CYP27A1: variants seen among roughly 807,000 people sequenced by gnomAD.
The protein encoded by CYP27A1 is sterol 26-hydroxylase, mitochondrial.
CYP27A1 carries 46 observed loss-of-function variants against 58.2 expected under a neutral mutation model. That is an observed-to-expected ratio of 0.79 (90% CI 0.62 to 1.01). The LOEUF (loss-of-function observed/expected upper bound fraction) is 1.01. CYP27A1 is among the 50% of genes least tolerant of loss of function. The pLI is 0.00. For synonymous variants in CYP27A1, 274 were observed against 285.1 expected (o/e 0.96, Z 0.39); for missense variants, 704 against 687.0 (o/e 1.02, Z -0.28).
At position 218,814,691 on chromosome 2, in the gene CYP27A1, C is replaced by T. The variant is rs770435184; in HGVS notation, c.1410C>T (p.Gly470=). 2.5e-6 allele frequency: 4 copies of T among 1,614,194 alleles called. No individual in the cohort carries two copies. The highest frequency in any genetic ancestry group is 2.2e-5 in the South Asian group (2 of 91,092). The part of the protein sequence containing the change: ...IQHPFGSVPF[G]YGVRACLGRR... Reference sequence around the variant, plus strand: ...ACCCATTTGGCTCTGTGCCCTTTGGCTATGGGGTCCGGGCCTGCCTGGGCC... The same window carrying T: ...ACCCATTTGGCTCTGTGCCCTTTGGTTATGGGGTCCGGGCCTGCCTGGGCC... The change falls in exon 8 of 9, where the codon GGC becomes GGT. Residue 470 remains glycine (G), a synonymous_variant. Coordinates refer to ENST00000258415, the MANE Select transcript of CYP27A1 (RefSeq NM_000784.4).
chr2:218,815,134 G>T lies in CYP27A1; in HGVS notation c.*104G>T. ...AGATGAGGAGGGAGAGAAGGAGGCC[G>T]CCAGACTCGAGAGGTGGGAGGAACT... On this transcript the variant is annotated 3_prime_UTR_variant, in exon 9 of 9. Coordinates refer to ENST00000258415, the MANE Select transcript of CYP27A1 (RefSeq NM_000784.4). 1 of 1,436,828 alleles carries T rather than the reference G, an allele frequency of 7.0e-7. No homozygotes were observed. Among genetic ancestry groups the T allele is most frequent in the Non-Finnish European group, 9.7e-7 (1 of 1,032,582 alleles). 89.0% of individuals were successfully genotyped at this position (1,436,828 alleles called of 1,614,324 possible).
At chr2:218,802,027 A>C (rs1943604723) in intron 1 of CYP27A1, among the ~76,000 whole-genome samples, 1 of 147,954 alleles carries the variant, frequency 6.8e-6, no homozygotes, top group African/African-American at 2.5e-5. Context: ...TTAGGCCAGC[A>C]ATGACCACGG....
At chr2:218,798,545 A>G (rs1943568285) in intron 1 of CYP27A1, among the ~76,000 whole-genome samples, 1 of 152,220 alleles carries the variant, frequency 6.6e-6, no homozygotes, top group Non-Finnish European at 1.5e-5. Flanking sequence ...AGGCAAGTCA[A>G]ATAGTTCTCA....
In CYP27A1 at chr2:218,812,185, A is replaced by AG. The variant is rs371151147; in HGVS notation, c.447-35dup. 3.4e-4 allele frequency: 531 copies of AG among 1,550,114 alleles called. 8 individuals are homozygous for AG. The East Asian group carries it at 0.011, about 32-fold the overall frequency. ...ATCTCCCTTAATTGAACCCCCATAGAGGCTTATCTTTGTGCTGTTCCTCTG... is the reference window on the plus strand; with the variant it reads ...ATCTCCCTTAATTGAACCCCCATAGAGGGCTTATCTTTGTGCTGTTCCTCTG... On this transcript the variant is annotated intron_variant, in intron 2 of 8. Coordinates refer to ENST00000258415, the MANE Select transcript of CYP27A1 (RefSeq NM_000784.4).
At chr2:218,785,823 TA>T (rs1362517042) in intron 1 of CYP27A1, among the ~76,000 whole-genome samples, 1 of 152,190 alleles carries the variant, frequency 6.6e-6, no homozygotes, top group African/African-American at 2.4e-5. Flanking sequence ...AATAACCTTT[TA>T]AAATTAGAGA....
At chr2:218,809,805 G>C (rs1488351756) in intron 2 of CYP27A1, 38 bp downstream of exon 2, 5 of 1,592,860 alleles carry the variant, frequency 3.1e-6, no homozygotes, top group Non-Finnish European at 3.4e-6. Context: ...CAGGGCCCCA[G>C]AGGGCCAGGG....
intron 1 of CYP27A1, among the ~76,000 whole-genome samples, chr2:218,808,551 A>T (rs986202284): frequency 1.3e-5 from 2 of 152,216 alleles, no homozygotes; most frequent in African/African-American, 4.8e-5. Context: ...TTTGAATGAT[A>T]GATTTCATCT....
At chr2:218,785,234 T>A (rs1259907004) in intron 1 of CYP27A1, among the ~76,000 whole-genome samples, 1 of 152,110 alleles carries the variant, frequency 6.6e-6, no homozygotes, top group East Asian at 1.9e-4. Context: ...CCTATGAGAA[T>A]CTAATGCCAG....
rs757771306 is a variant in CYP27A1, at chr2:218,814,111, C to T, written c.1108C>T (p.Pro370Ser). ...GCACGAGGAAGTGGTGGGTGTGGTGCCAGCCGGGCAAGTGCCCCAGCACAA... is the reference window on the plus strand; with the variant it reads ...GCACGAGGAAGTGGTGGGTGTGGTGTCAGCCGGGCAAGTGCCCCAGCACAA... ...ALHEEVVGVV[P>S]AGQVPQHKDF... The change falls in exon 6 of 9, where the codon CCA becomes TCA. Residue 370 changes from proline (P) to serine (S), a missense_variant. Physicochemically the swap from Pro to Ser is moderately conservative, Grantham distance 74. Transcript: ENST00000258415. The T allele has an allele frequency of 1.2e-6, 2 of 1,614,232 alleles. No homozygotes were observed. Among genetic ancestry groups the T allele is most frequent in the African/African-American group, 1.3e-5 (1 of 75,064 alleles).
At position 218,814,111 on chromosome 2, in the gene CYP27A1, C is replaced by A; in HGVS notation, c.1108C>A (p.Pro370Thr). 6.2e-7 allele frequency: 1 copy of A among 1,614,232 alleles called. No individual in the cohort carries two copies. The highest frequency in any genetic ancestry group is 8.5e-7 in the Non-Finnish European group (1 of 1,180,046). Residue 370 changes from proline to threonine, a missense_variant, in exon 6 of 9, where the codon CCA (proline) becomes ACA (threonine). Pro to Thr is a conservative substitution (Grantham distance 38). Transcript: ENST00000258415. ...ALHEEVVGVV[P>T]AGQVPQHKDF... ...GCACGAGGAAGTGGTGGGTGTGGTG[C>A]CAGCCGGGCAAGTGCCCCAGCACAA...
chr2:218,792,987 T>C (rs1298759325), intron 1 of CYP27A1, among the ~76,000 whole-genome samples: 1 of 152,230 alleles, frequency 6.6e-6, no homozygotes, highest in Non-Finnish European at 1.5e-5. Context: ...TGTCAAAGGT[T>C]TAAAACACTT....
At position 218,782,192 on chromosome 2, in the gene CYP27A1, C is replaced by A. The variant is rs1187805203; in HGVS notation, c.10C>A (p.Leu4Met). Residue 4 changes from leucine to methionine, a missense_variant, in exon 1 of 9, where the codon CTG (leucine) becomes ATG (methionine). Leu to Met is a conservative substitution (Grantham distance 15). Coordinates refer to ENST00000258415, the MANE Select transcript of CYP27A1 (RefSeq NM_000784.4). The surrounding 1 kb of genome is among the most constrained non-coding windows in gnomAD (Gnocchi z 4.1). ...CGCGCGAGCACAACCCATGGCTGCGCTGGGCTGCGCGAGGCTGAGGTGGGC... is the reference window on the plus strand; with the variant it reads ...CGCGCGAGCACAACCCATGGCTGCGATGGGCTGCGCGAGGCTGAGGTGGGC... MAA[L>M]GCARLRWALR... The A allele has an allele frequency of 6.5e-7, 1 of 1,537,294 alleles. No homozygotes were observed. Among genetic ancestry groups the A allele is most frequent in the African/African-American group, 1.4e-5 (1 of 72,944 alleles).
At position 218,789,966 on chromosome 2, in the gene CYP27A1, G is replaced by C. The variant is rs115918737; in HGVS notation, c.255+7529G>C. 3.0e-3 allele frequency among the ~76,000 whole-genome samples: 454 copies of C among 152,248 alleles called. 1 individual carries two copies. The highest frequency in any genetic ancestry group is 0.01 in the African/African-American group (435 of 41,542). On this transcript the variant is annotated intron_variant, in intron 1 of 8. Coordinates refer to ENST00000258415, the MANE Select transcript of CYP27A1 (RefSeq NM_000784.4). ...ACTTAGTCTGTTCTAGGATCTATTT[G>C]TTTCCTTAAAGTCTTAGTTTGATTA... is the stretch of plus-strand genomic sequence containing the variant.
At position 218,814,021 on chromosome 2, in the gene CYP27A1, ACAT is replaced by A. The variant is rs1362081601; in HGVS notation, c.1020_1022del (p.Ser341del). ...CCTGATCTCCCACTCTATCTTCTAGACATCCAACACGCTGACATGGGCCCTGTA... is the reference window on the plus strand; with the variant it reads ...CCTGATCTCCCACTCTATCTTCTAGACCAACACGCTGACATGGGCCCTGTA... On this transcript the variant is annotated inframe_deletion and splice_region_variant, in exon 6 of 9. Transcript: ENST00000258415. The A allele has an allele frequency of 2.5e-6, 4 of 1,613,980 alleles. No individual in the cohort carries two copies. The South Asian group carries it at 4.4e-5, about 18-fold the overall frequency.
chr2:218,782,424 T>G lies in CYP27A1; in HGVS notation c.242T>G (p.Leu81Arg). ...TTCGTTCAAGGCTATGCCCTGCAAC[T>G]GCACCAGTTACAGGTAACCCGCGGG... ...QLFVQGYALQ[L>R]HQLQVLYKAK... Residue 81 changes from leucine to arginine, a missense_variant, in exon 1 of 9, where the codon CTG (leucine) becomes CGG (arginine). Physicochemically the swap from Leu to Arg is moderately radical, Grantham distance 102. Coordinates refer to ENST00000258415, the MANE Select transcript of CYP27A1 (RefSeq NM_000784.4). This position sits in a 1 kb window ranked among gnomAD's most constrained non-coding sequence, Gnocchi z 4.1. 4.3e-6 allele frequency: 7 copies of G among 1,614,212 alleles called. No individual in the cohort carries two copies. Among genetic ancestry groups the G allele is most frequent in the Non-Finnish European group, 5.9e-6 (7 of 1,180,028 alleles).
At chr2:218,810,044 T>C (rs1264075531) in intron 2 of CYP27A1, among the ~76,000 whole-genome samples, 2 of 152,132 alleles carry the variant, frequency 1.3e-5, no homozygotes, top group African/African-American at 4.8e-5. Context: ...TTTGGGAGGC[T>C]GAGGTGGGCG....
chr2:218,797,058 G>A (rs1943554401), intron 1 of CYP27A1, among the ~76,000 whole-genome samples: 1 of 152,168 alleles, frequency 6.6e-6, no homozygotes, highest in African/African-American at 2.4e-5. Flanking sequence ...AAGAAGTCTG[G>A]TTATCTCTGG....
chr2:218,802,201 AG>A (rs926235383), intron 1 of CYP27A1, among the ~76,000 whole-genome samples: 1 of 152,052 alleles, frequency 6.6e-6, no homozygotes, highest in African/African-American at 2.4e-5. Context: ...ACACAGCAGC[AG>A]GGGCCACGTG....
chr2:218,802,331 T>TA (rs10630236), intron 1 of CYP27A1, among the ~76,000 whole-genome samples: 7,176 of 147,078 alleles, frequency 0.049, 540 homozygotes, highest in African/African-American at 0.16. Context: ...AAAAGAAAAT[T>TA]AAAAAAAAAA....
Sources: gnomAD v4.1 joint callset for allele counts (sites outside exome capture counted in the v4.1 genomes callset) on GRCh38, gnomAD v4.1.1 for gene constraint, Gnocchi (gnomAD v3.1) non-coding constraint, MANE v1.5 for transcripts, NCBI Gene and HGNC (gene_info 2026-07-23, HGNC 2026-07-21) for gene names.